Variants in TBC1D32 observed in about 807,000 individuals in gnomAD.
The protein encoded by TBC1D32 is TBC1 domain family member 32, also known as protein broad-minded.
In TBC1D32, 151 loss-of-function variants were observed where a neutral mutation model predicts 170.3. The ratio of observed to expected loss-of-function variants is 0.89; its 90% CI spans 0.78 to 1.01. The LOEUF (loss-of-function observed/expected upper bound fraction) is 1.01, where lower values mean the gene tolerates loss of function less well. Among genes scored for constraint, TBC1D32 ranks in the 50% least tolerant of loss-of-function variants. The pLI is 0.00. For synonymous variants in TBC1D32, 498 were observed against 488.0 expected, an observed-to-expected ratio of 1.02 and a Z score of -0.27; for missense variants, 1,464 against 1,457.1, an observed-to-expected ratio of 1.00 and a Z score of -0.08.
intron 15 of TBC1D32, among the ~76,000 whole-genome samples, chr6:121,264,603 A>T (rs1028345236): frequency 2.0e-5 from 3 of 152,156 alleles, no homozygotes; most frequent in Admixed American, 1.3e-4. Context: ...CCTGGCAGAG[A>T]CACAACAAAA....
At chr6:121,091,853 C>A (rs1204805307) in intron 30 of TBC1D32, among the ~76,000 whole-genome samples, 1 of 152,074 alleles carries the variant, frequency 6.6e-6, no homozygotes, top group African/African-American at 2.4e-5. Context: ...AAAATGAGGT[C>A]ATTACGGTGA....
intron 15 of TBC1D32, among the ~76,000 whole-genome samples, chr6:121,258,270 A>C: frequency 6.6e-6 from 1 of 152,090 alleles, no homozygotes; most frequent in Admixed American, 6.5e-5. Flanking sequence ...ACTTTGAGGA[A>C]TTTTTTTTAA....
At chr6:121,206,434 T>G (rs1792285386) in intron 21 of TBC1D32, among the ~76,000 whole-genome samples, 1 of 152,076 alleles carries the variant, frequency 6.6e-6, no homozygotes, top group Non-Finnish European at 1.5e-5. Context: ...GGGAGTAAAG[T>G]CACATAATAT....
intron 4 of TBC1D32, among the ~76,000 whole-genome samples, chr6:121,308,456 G>A (rs529927436): frequency 2.6e-5 from 4 of 151,958 alleles, no homozygotes; most frequent in South Asian, 2.1e-4. Context: ...ATTCTAGGCC[G>A]TTCCTACAGT....
At chr6:121,200,955 G>A (rs1791468424) in intron 22 of TBC1D32, among the ~76,000 whole-genome samples, 1 of 151,436 alleles carries the variant, frequency 6.6e-6, no homozygotes, top group African/African-American at 2.5e-5. Flanking sequence ...GAAAGGTAGA[G>A]ATACATTAGG....
intron 22 of TBC1D32, 54 bp downstream of exon 22, chr6:121,205,021 T>C: frequency 9.3e-7 from 1 of 1,071,402 alleles, no homozygotes; most frequent in Non-Finnish European, 1.4e-6. Flanking sequence ...GGACAAATGC[T>C]TATTTTTTGT....
chr6:121,253,910 C>T (rs1280582206), intron 17 of TBC1D32, among the ~76,000 whole-genome samples: 2 of 151,936 alleles, frequency 1.3e-5, no homozygotes, highest in Admixed American at 6.6e-5. Flanking sequence ...GAAAAGAAGA[C>T]ATTATATGAA....
intron 30 of TBC1D32, among the ~76,000 whole-genome samples, chr6:121,099,519 T>A (rs1246180324): frequency 6.6e-6 from 1 of 151,926 alleles, no homozygotes; most frequent in Non-Finnish European, 1.5e-5. Flanking sequence ...TGCCTACAAA[T>A]CCTTCACTAA....
chr6:121,276,427 A>G (rs1474709184), intron 15 of TBC1D32, among the ~76,000 whole-genome samples: 1 of 152,148 alleles, frequency 6.6e-6, no homozygotes, highest in Non-Finnish European at 1.5e-5. Flanking sequence ...AGAGTGACAA[A>G]AAAGTATAAT....
chr6:121,333,733 G>A (rs1811493582), intron 1 of TBC1D32, among the ~76,000 whole-genome samples: 1 of 152,166 alleles, frequency 6.6e-6, no homozygotes, highest in Admixed American at 6.5e-5. Flanking sequence ...GAGGCGCGGG[G>A]GAATGGATTA....
chr6:121,313,787 A>G (rs553608708), intron 3 of TBC1D32, among the ~76,000 whole-genome samples: 1 of 152,210 alleles, frequency 6.6e-6, no homozygotes, highest in South Asian at 2.1e-4. Context: ...GCTCTGAGTG[A>G]TGTTGCCAAA....
intron 24 of TBC1D32, among the ~76,000 whole-genome samples, chr6:121,134,431 A>G (rs1420192081): frequency 1.3e-5 from 2 of 152,096 alleles, no homozygotes; most frequent in East Asian, 3.9e-4. Context: ...AGGCACTATA[A>G]TTGTAAACAG....
At chr6:121,249,914 C>T (rs1183300305) in intron 17 of TBC1D32, among the ~76,000 whole-genome samples, 1 of 151,786 alleles carries the variant, frequency 6.6e-6, no homozygotes, top group African/African-American at 2.4e-5. Context: ...CTGCCAAAAG[C>T]AATCCACAGA....
At chr6:121,245,980 C>T (rs1006940916) in intron 17 of TBC1D32, among the ~76,000 whole-genome samples, 1 of 152,156 alleles carries the variant, frequency 6.6e-6, no homozygotes, top group Non-Finnish European at 1.5e-5. Context: ...CCAGTCACCA[C>T]CATCATGGCT....
intron 21 of TBC1D32, among the ~76,000 whole-genome samples, chr6:121,207,590 T>C (rs1792443527): frequency 6.6e-6 from 1 of 152,206 alleles, no homozygotes; most frequent in African/African-American, 2.4e-5. Flanking sequence ...AGCTTCAGTT[T>C]CTAAACACCA....
At chr6:121,205,378 T>C (rs1451366627) in intron 21 of TBC1D32, among the ~76,000 whole-genome samples, 1 of 152,120 alleles carries the variant, frequency 6.6e-6, no homozygotes, top group Admixed American at 6.6e-5. Flanking sequence ...CTGGTCTGAG[T>C]GTGGCCTAGA....
chr6:121,105,914 A>AT, intron 30 of TBC1D32, 109 bp downstream of exon 30: 1 of 1,228,294 alleles, frequency 8.1e-7, no homozygotes, highest in East Asian at 2.5e-5. Context: ...GAGGATTTTA[A>AT]ATACACTTTT....
At chr6:121,287,485 G>A (rs536916842) in intron 12 of TBC1D32, among the ~76,000 whole-genome samples, 14 of 152,234 alleles carry the variant, frequency 9.2e-5, no homozygotes, top group South Asian at 8.3e-4. Context: ...CAATACAGGA[G>A]CACCCAGATT....
At chr6:121,218,257 A>T (rs776073728) in intron 21 of TBC1D32, among the ~76,000 whole-genome samples, 1 of 152,232 alleles carries the variant, frequency 6.6e-6, no homozygotes, top group African/African-American at 2.4e-5. Flanking sequence ...TGCCACAGCC[A>T]TAGAAACAAA....
Sources: allele counts gnomAD v4.1 joint callset (sites outside exome capture counted in the v4.1 genomes callset), GRCh38; gene constraint gnomAD v4.1.1; transcripts MANE v1.5; gene names NCBI Gene and HGNC (gene_info 2026-07-23, HGNC 2026-07-21).